ITGB5: variants seen among roughly 807,000 people sequenced by gnomAD.
The protein encoded by ITGB5 is integrin subunit beta 5, also known as integrin beta-5.
Under a neutral mutation model 84.8 loss-of-function variants are expected in ITGB5, and 38 were observed. The observed-to-expected ratio is 0.45, with a 90% CI of 0.35 to 0.59. The LOEUF is 0.59. Ranked by LOEUF, ITGB5 falls within the 20% of genes least tolerant of loss-of-function variation. ITGB5 has a pLI of 0.01. For missense variants in ITGB5, 905 were observed against 1,034.5 expected, an observed-to-expected ratio of 0.87 and a Z score of 1.72; for synonymous variants, 393 against 414.4, an observed-to-expected ratio of 0.95 and a Z score of 0.63.
At chr3:124,897,671 T>A (rs1234342981) in intron 1 of ITGB5, among the ~76,000 whole-genome samples, 1 of 152,170 alleles carries the variant, frequency 6.6e-6, no homozygotes, top group Non-Finnish European at 1.5e-5. Context: ...AAGAAAAATT[T>A]TTTTTTAAAT....
At chr3:124,837,231 A>AG (rs1298202742) in intron 5 of ITGB5, among the ~76,000 whole-genome samples, 1 of 152,202 alleles carries the variant, frequency 6.6e-6, no homozygotes, top group Non-Finnish European at 1.5e-5. Context: ...TTTTGAGAGA[A>AG]GAGGAAAGCA....
chr3:124,843,535 TTAAG>T (rs2065037995), intron 4 of ITGB5, among the ~76,000 whole-genome samples: 1 of 152,194 alleles, frequency 6.6e-6, no homozygotes, highest in African/African-American at 2.4e-5. Context: ...AGAATGACTG[TTAAG>T]TAGTTAGGAA....
intron 5 of ITGB5, among the ~76,000 whole-genome samples, chr3:124,825,939 A>C (rs1322820429): frequency 6.6e-6 from 1 of 152,236 alleles, no homozygotes; most frequent in Non-Finnish European, 1.5e-5. Context: ...TGTGCTGGAA[A>C]AGGTAAATAA....
At chr3:124,837,870 G>A (rs1273359613) in intron 5 of ITGB5, among the ~76,000 whole-genome samples, 1 of 152,232 alleles carries the variant, frequency 6.6e-6, no homozygotes, top group Non-Finnish European at 1.5e-5. Context: ...AGTAGAGCGT[G>A]CAGCGCTGCC....
intron 9 of ITGB5, 56 bp downstream of exon 9, chr3:124,808,966 C>G: frequency 6.3e-7 from 1 of 1,576,372 alleles, no homozygotes; most frequent in Non-Finnish European, 8.6e-7. Context: ...TATTAGAACC[C>G]AAAGACTGAT....
intron 10 of ITGB5, among the ~76,000 whole-genome samples, chr3:124,778,651 C>T (rs565717355): frequency 3.3e-5 from 5 of 152,020 alleles, no homozygotes; most frequent in East Asian, 3.9e-4. Context: ...TGGGGACAGG[C>T]GGAGATGGGG....
At chr3:124,892,691 TA>T (rs35455753) in intron 1 of ITGB5, among the ~76,000 whole-genome samples, 55,714 of 91,662 alleles carry the variant, frequency 0.61, 15,527 homozygotes, top group African/African-American at 0.7. Flanking sequence ...GGAGACTCTG[TA>T]AAAAAAAAAA....
intron 1 of ITGB5, among the ~76,000 whole-genome samples, chr3:124,876,356 G>GT (rs967436720): frequency 6.0e-5 from 9 of 150,582 alleles, no homozygotes; most frequent in Non-Finnish European, 8.8e-5. Context: ...CAAAATAGGG[G>GT]TTAAAAAAAA....
intron 1 of ITGB5, among the ~76,000 whole-genome samples, chr3:124,885,309 T>A (rs908151866): frequency 1.3e-5 from 2 of 152,204 alleles, no homozygotes; most frequent in African/African-American, 4.8e-5. Flanking sequence ...ATTATTATTA[T>A]AATTCTGTTT....
intron 5 of ITGB5, among the ~76,000 whole-genome samples, chr3:124,833,563 A>G (rs549350347): frequency 6.6e-6 from 1 of 152,298 alleles, no homozygotes; most frequent in East Asian, 1.9e-4. Flanking sequence ...AAGTATTACC[A>G]AGTAATAGTA....
chr3:124,822,743 A>AT (rs2064726244), intron 5 of ITGB5, among the ~76,000 whole-genome samples: 1 of 152,176 alleles, frequency 6.6e-6, no homozygotes, highest in Non-Finnish European at 1.5e-5. Context: ...CTGATCTCTT[A>AT]CTGCATGCCA....
At chr3:124,863,883 G>A (rs2065341449) in intron 2 of ITGB5, among the ~76,000 whole-genome samples, 1 of 151,088 alleles carries the variant, frequency 6.6e-6, no homozygotes, top group Admixed American at 6.6e-5. Context: ...CAGAGACCAG[G>A]GGCATATCTA....
intron 5 of ITGB5, among the ~76,000 whole-genome samples, chr3:124,840,955 C>T (rs2065002976): frequency 1.3e-5 from 2 of 152,158 alleles, no homozygotes; most frequent in African/African-American, 2.4e-5. Context: ...TGAGCCACCA[C>T]GCCCGGCCTC....
intron 3 of ITGB5, among the ~76,000 whole-genome samples, chr3:124,851,608 A>AACACAC (rs3836319): frequency 0.027 from 3,970 of 145,974 alleles, 91 homozygotes; most frequent in Admixed American, 0.055. Context: ...TCAGTAAGAA[A>AACACAC]ACACACACAC....
chr3:124,847,399 CA>C (rs1313586068), intron 4 of ITGB5, among the ~76,000 whole-genome samples: 2 of 152,200 alleles, frequency 1.3e-5, no homozygotes, highest in African/African-American at 4.8e-5. Context: ...TACAACCACC[CA>C]CCCCAGCATG....
intron 5 of ITGB5, among the ~76,000 whole-genome samples, chr3:124,836,311 T>C (rs1210541392): frequency 6.6e-6 from 1 of 151,670 alleles, no homozygotes; most frequent in Non-Finnish European, 1.5e-5. Flanking sequence ...AGCCCAGAAG[T>C]TCAAGACCAG....
chr3:124,887,809 A>T (rs994254261), upstream of ITGB5: 7 of 327,812 alleles, frequency 2.1e-5, no homozygotes, highest in African/African-American at 1.5e-4. Context: ...CGGCGGCCTG[A>T]GATGGGACGT....
At chr3:124,777,378 G>A (rs189639026) in intron 10 of ITGB5, among the ~76,000 whole-genome samples, 9 of 152,312 alleles carry the variant, frequency 5.9e-5, no homozygotes, top group African/African-American at 1.9e-4. Flanking sequence ...TGGCTTTTTG[G>A]CCTCCAATAT....
At chr3:124,820,496 C>T (rs1030712262) in intron 6 of ITGB5, among the ~76,000 whole-genome samples, 1 of 152,132 alleles carries the variant, frequency 6.6e-6, no homozygotes. Flanking sequence ...TGAGGTCCTA[C>T]AGTTATAGTC....
Sources: allele counts gnomAD v4.1 joint callset (sites outside exome capture counted in the v4.1 genomes callset), GRCh38; gene constraint gnomAD v4.1.1; transcripts MANE v1.5; gene names NCBI Gene and HGNC (gene_info 2026-07-23, HGNC 2026-07-21).